The following RSPH10B variants were observed in gnomAD, a reference collection of about 807,000 sequenced individuals.
The protein encoded by RSPH10B is radial spoke head 10 homolog B (Chlamydomonas).
RSPH10B carries 7 observed loss-of-function variants against 52.5 expected under a neutral mutation model. That is an observed-to-expected ratio of 0.13 (90% CI 0.08 to 0.25). RSPH10B has a LOEUF of 0.25. Among genes scored for constraint, RSPH10B ranks in the 10% least tolerant of loss-of-function variants. The pLI is 1.00. For synonymous variants in RSPH10B, 28 were observed against 193.2 expected (o/e 0.14, Z 7.09); for missense variants, 89 against 542.5 (o/e 0.16, Z 8.30).
At chr7:5,927,035 GTGTGTGTGTGTATTA>G (rs1199980323) in intron 18 of RSPH10B, among the ~76,000 whole-genome samples, 8 of 49,682 alleles carry the variant, frequency 1.6e-4, no homozygotes, top group East Asian at 5.4e-4. Flanking sequence ...GTGTGTGTGT[GTGTGTGTGTGTATTA>G]TGTGTGTGTG....
At chr7:5,947,607 C>T in intron 10 of RSPH10B, among the ~76,000 whole-genome samples, 1 of 101,644 alleles carries the variant, frequency 9.8e-6, no homozygotes. Flanking sequence ...CCTGGCTACT[C>T]AGGAGGCTGA....
chr7:5,928,381 T>G, exon 18 of RSPH10B: 4 of 1,612,414 alleles, frequency 2.5e-6, no homozygotes, highest in Non-Finnish European at 3.4e-6. Context: ...CATCCTTGGG[T>G]CTCTCATATT....
At position 5,931,436 on chromosome 7, in the gene RSPH10B, A is replaced by G. The variant is rs568476738; in HGVS notation, c.2233+1346T>C. 4.6e-5 allele frequency among the ~76,000 whole-genome samples: 7 copies of G among 151,578 alleles called. No individual in the cohort carries two copies. The South Asian group carries it at 1.5e-3, about 31-fold the overall frequency. On this transcript the variant is annotated intron_variant, in intron 17 of 18. Coordinates refer to ENST00000337579, the Ensembl canonical transcript of RSPH10B. ...GGCCATAGAGAGACACCGTCAGAAA[A>G]GGGGGAGGGCCAGGCGCGGTGGCTC...
intron 17 of RSPH10B, among the ~76,000 whole-genome samples, chr7:5,932,366 GA>G (rs1779821474): frequency 8.4e-6 from 1 of 119,632 alleles, no homozygotes; most frequent in African/African-American, 3.2e-5. Flanking sequence ...TTGCCTGTAA[GA>G]AAACAATGTA....
chr7:5,928,787 G>A (rs1198521698), intron 17 of RSPH10B, among the ~76,000 whole-genome samples: 1 of 150,292 alleles, frequency 6.7e-6, no homozygotes, highest in African/African-American at 2.5e-5. Context: ...CATCACACTC[G>A]GCTAATTTTT....
intron 18 of RSPH10B, among the ~76,000 whole-genome samples, chr7:5,927,063 TGTGTATATG>T (rs1779504036): frequency 1.3e-5 from 1 of 79,140 alleles, no homozygotes; most frequent in Admixed American, 1.2e-4. Flanking sequence ...TGTGTGTGTG[TGTGTATATG>T]TGTGTGTGTG....
At chr7:5,944,564 T>C (rs914937677) in intron 11 of RSPH10B, among the ~76,000 whole-genome samples, 1 of 148,442 alleles carries the variant, frequency 6.7e-6, no homozygotes, top group Non-Finnish European at 1.5e-5. Context: ...TGACCAGATA[T>C]GAAGGGCTTT....
intron 13 of RSPH10B, among the ~76,000 whole-genome samples, chr7:5,940,939 AATAATTATT>A (rs1198344673): frequency 4.0e-5 from 2 of 49,844 alleles, no homozygotes; most frequent in African/African-American, 1.1e-4. Context: ...TAATAATAAT[AATAATTATT>A]ATTATTATTA....
chr7:5,938,412 T>G (rs1312265867), intron 14 of RSPH10B, among the ~76,000 whole-genome samples: 1 of 117,482 alleles, frequency 8.5e-6, no homozygotes, highest in Non-Finnish European at 2.0e-5. Flanking sequence ...CTAAAAAAAA[T>G]ACAAAAAAAA....
chr7:5,947,891 T>TGTGAGA (rs1216412138), intron 10 of RSPH10B, among the ~76,000 whole-genome samples: 1 of 92,728 alleles, frequency 1.1e-5, no homozygotes, highest in Non-Finnish European at 2.4e-5. Flanking sequence ...TGTGTGTGTG[T>TGTGAGA]GATGGAGTCT....
intron 17 of RSPH10B, among the ~76,000 whole-genome samples, chr7:5,931,380 C>A (rs1336079195): frequency 6.6e-6 from 1 of 151,434 alleles, no homozygotes; most frequent in African/African-American, 2.4e-5. Context: ...CGGGATGGAA[C>A]CTTTAAAAGT....
At chr7:5,942,296 AC>A (rs1780235617) in intron 13 of RSPH10B, among the ~76,000 whole-genome samples, 1 of 130,720 alleles carries the variant, frequency 7.6e-6, no homozygotes, top group South Asian at 2.3e-4. Flanking sequence ...ACAGGGCCTC[AC>A]TCTGTCAACC....
chr7:5,931,729 G>T (rs1212402306), intron 17 of RSPH10B, among the ~76,000 whole-genome samples: 2 of 150,892 alleles, frequency 1.3e-5, no homozygotes, highest in African/African-American at 4.9e-5. Context: ...CCAGGGGCGG[G>T]TGGGCTCACA....
At chr7:5,927,729 A>C (rs1779577166) in intron 18 of RSPH10B, among the ~76,000 whole-genome samples, 1 of 147,412 alleles carries the variant, frequency 6.8e-6, no homozygotes. Flanking sequence ...TGAGGTCAGG[A>C]GTTCGAGACC....
At chr7:5,942,128 C>G (rs1483955740) in intron 13 of RSPH10B, among the ~76,000 whole-genome samples, 10 of 147,862 alleles carry the variant, frequency 6.8e-5, no homozygotes, top group Non-Finnish European at 1.5e-5. Flanking sequence ...CTCCTGACCT[C>G]GGGTGATCCA....
chr7:5,931,491 C>A (rs558884556), intron 17 of RSPH10B, among the ~76,000 whole-genome samples: 1 of 151,488 alleles, frequency 6.6e-6, no homozygotes, highest in East Asian at 1.9e-4. Flanking sequence ...TTTGGGACAC[C>A]AAGGCGGGAA....
At chr7:5,944,370 C>T (rs1190888853) in intron 11 of RSPH10B, among the ~76,000 whole-genome samples, 2 of 150,486 alleles carry the variant, frequency 1.3e-5, no homozygotes, top group Admixed American at 1.3e-4. Flanking sequence ...TGCACTCCAG[C>T]CTGGGTGACA....
At chr7:5,938,486 G>A (rs1216112406) in intron 14 of RSPH10B, among the ~76,000 whole-genome samples, 2 of 81,602 alleles carry the variant, frequency 2.5e-5, no homozygotes, top group Non-Finnish European at 5.6e-5. Context: ...GCTGAGGCAG[G>A]AGAATGGCGT....
exon 19 of RSPH10B, chr7:5,926,259 C>A (rs1238253944): frequency 1.5e-6 from 1 of 652,124 alleles, no homozygotes; most frequent in Non-Finnish European, 2.6e-6. Flanking sequence ...TGCAGTGGGC[C>A]AAGGGGTATG....
Sources: allele counts gnomAD v4.1 joint callset (sites outside exome capture counted in the v4.1 genomes callset), GRCh38; gene constraint gnomAD v4.1.1; transcripts MANE v1.5; gene names NCBI Gene and HGNC (gene_info 2026-07-23, HGNC 2026-07-21).